The following GYS2 variants were observed in gnomAD, a reference collection of about 807,000 sequenced individuals.
GYS2 encodes the protein glycogen [starch] synthase, liver.
GYS2 carries 80 observed loss-of-function variants against 85.6 expected under a neutral mutation model. That is an observed-to-expected ratio of 0.93 (90% CI 0.78 to 1.13). The LOEUF is 1.13. Ranked by LOEUF, GYS2 falls within the 50% of genes most tolerant of loss-of-function variation. GYS2 has a pLI of 0.00. For missense variants in GYS2, 881 were observed against 854.9 expected (o/e 1.03, Z -0.38); for synonymous variants, 328 against 300.7 (o/e 1.09, Z -0.94).
At chr12:21,586,332 C>A (rs568015853) in intron 1 of GYS2, among the ~76,000 whole-genome samples, 1 of 152,234 alleles carries the variant, frequency 6.6e-6, no homozygotes, top group Admixed American at 6.5e-5. Context: ...GGCTTCCTTG[C>A]TCCTCTGCTT....
intron 11 of GYS2, among the ~76,000 whole-genome samples, chr12:21,552,686 G>A (rs991122984): frequency 2.0e-5 from 3 of 152,160 alleles, no homozygotes; most frequent in Non-Finnish European, 2.9e-5. Context: ...TTTTAACTGT[G>A]TAGACATAAA....
intron 4 of GYS2, 56 bp from the exon 5 acceptor site, chr12:21,569,065 C>G: frequency 6.3e-7 from 1 of 1,580,040 alleles, no homozygotes; most frequent in African/African-American, 1.3e-5. Flanking sequence ...TCTACACAAG[C>G]TAAACAAAAT....
intron 4 of GYS2, among the ~76,000 whole-genome samples, chr12:21,570,319 A>C (rs1944371180): frequency 6.6e-6 from 1 of 152,240 alleles, no homozygotes; most frequent in African/African-American, 2.4e-5. Context: ...TGTATCTATT[A>C]ACTTTAAGAA....
chr12:21,599,922 A>T (rs1944736152), intron 1 of GYS2, among the ~76,000 whole-genome samples: 1 of 152,122 alleles, frequency 6.6e-6, no homozygotes, highest in South Asian at 2.1e-4. Flanking sequence ...TACAACTGGT[A>T]TTTCTTTTAA....
At chr12:21,545,099 A>G (rs978068896) in intron 12 of GYS2, among the ~76,000 whole-genome samples, 5 of 152,218 alleles carry the variant, frequency 3.3e-5, no homozygotes, top group South Asian at 4.1e-4. Context: ...AAAAGGCAAC[A>G]TTTACTATCT....
intron 1 of GYS2, among the ~76,000 whole-genome samples, chr12:21,590,014 G>A (rs1032927849): frequency 1.3e-5 from 2 of 151,994 alleles, no homozygotes; most frequent in Admixed American, 6.5e-5. Flanking sequence ...CATTAGAAGT[G>A]GACTCCCCCA....
At chr12:21,572,348 G>C (rs1450859629) in intron 4 of GYS2, among the ~76,000 whole-genome samples, 3 of 152,042 alleles carry the variant, frequency 2.0e-5, no homozygotes, top group Non-Finnish European at 4.4e-5. Context: ...ATTTTCATTT[G>C]TCTGAGTCAG....
chr12:21,543,729 T>A (rs1490490725), intron 12 of GYS2, among the ~76,000 whole-genome samples: 1 of 152,174 alleles, frequency 6.6e-6, no homozygotes, highest in Non-Finnish European at 1.5e-5. Flanking sequence ...TTTGTCCTAA[T>A]GCTCTCCCTC....
intron 12 of GYS2, among the ~76,000 whole-genome samples, chr12:21,543,887 G>T (rs1944008319): frequency 6.6e-6 from 1 of 152,102 alleles, no homozygotes; most frequent in African/African-American, 2.4e-5. Flanking sequence ...ATGATGAAGA[G>T]AAATATTCTT....
At chr12:21,548,759 C>T (rs1389799356) in intron 11 of GYS2, among the ~76,000 whole-genome samples, 1 of 152,104 alleles carries the variant, frequency 6.6e-6, no homozygotes, top group Non-Finnish European at 1.5e-5. Flanking sequence ...ATATACAGTA[C>T]TCCATATTGT....
chr12:21,570,824 G>A (rs573429792), intron 4 of GYS2, among the ~76,000 whole-genome samples: 2 of 152,298 alleles, frequency 1.3e-5, no homozygotes, highest in South Asian at 4.1e-4. Flanking sequence ...CTCTGAAAGT[G>A]TTTATTTAGA....
chr12:21,585,670 G>A lies in GYS2; in HGVS notation c.122-5147C>T, dbSNP rs1944564665. Reference sequence around the variant, plus strand: ...TCATCAATACCAGCTACGATCACGTGACCAATTGCAGATACAAGGACTGTA... The same window carrying A: ...TCATCAATACCAGCTACGATCACGTAACCAATTGCAGATACAAGGACTGTA... On this transcript the variant is annotated intron_variant, in intron 1 of 15. Coordinates refer to ENST00000261195, the MANE Select transcript of GYS2 (RefSeq NM_021957.4). Among the ~76,000 whole-genome samples, 3 of 152,122 alleles carry A rather than the reference G, an allele frequency of 2.0e-5. No individual in the cohort carries two copies. In the South Asian group the frequency reaches 6.2e-4, roughly 32 times the overall value.
intron 5 of GYS2, among the ~76,000 whole-genome samples, chr12:21,564,870 A>G (rs1019670230): frequency 6.6e-6 from 1 of 152,158 alleles, no homozygotes; most frequent in Non-Finnish European, 1.5e-5. Context: ...ATATTAAGTC[A>G]TTTGCCCAAT....
Position 21,561,346 on chromosome 12 carries a change from G to T in GYS2, c.1063-854C>A, listed in dbSNP as rs1359592621. ...CTTAAAATCATGAACCTCTATGAAG[G>T]TTTATGTGTTCTGGAAATGACTGAC... On this transcript the variant is annotated intron_variant, in intron 7 of 15. Transcript: ENST00000261195. Among the ~76,000 whole-genome samples the T allele has an allele frequency of 2.6e-5, 4 of 152,096 alleles. 1 individual carries two copies. In the East Asian group the frequency reaches 5.8e-4, roughly 22 times the overall value.
intron 1 of GYS2, among the ~76,000 whole-genome samples, chr12:21,585,999 C>T (rs749085739): frequency 1.3e-4 from 20 of 152,198 alleles, no homozygotes; most frequent in African/African-American, 4.3e-4. Flanking sequence ...AGTTGACAAG[C>T]GATGGACTTG....
At chr12:21,571,501 A>C (rs1944384596) in intron 4 of GYS2, among the ~76,000 whole-genome samples, 1 of 152,248 alleles carries the variant, frequency 6.6e-6, no homozygotes, top group African/African-American at 2.4e-5. Context: ...AATAAAACAC[A>C]GTCCAGTGAC....
chr12:21,579,252 A>G lies in GYS2; in HGVS notation c.303+1090T>C, dbSNP rs185674470. ...AAAACAAATTTATTATCTTACAGAT[A>G]TTGAAGTCAGTAGTCCAAAATAGAC... On this transcript the variant is annotated intron_variant, in intron 2 of 15. Coordinates refer to ENST00000261195, the MANE Select transcript of GYS2 (RefSeq NM_021957.4). 3.4e-3 allele frequency among the ~76,000 whole-genome samples: 512 copies of G among 152,246 alleles called. 11 individuals are homozygous for G. The highest frequency in any genetic ancestry group is 0.03 in the Admixed American group (453 of 15,292).
intron 4 of GYS2, among the ~76,000 whole-genome samples, chr12:21,571,749 T>C (rs1321329608): frequency 6.6e-6 from 1 of 151,950 alleles, no homozygotes; most frequent in Admixed American, 6.6e-5. Flanking sequence ...GATGACGAGC[T>C]CAGGAGATCG....
Position 21,563,344 on chromosome 12 carries a change from A to G in GYS2, c.825T>C (p.Asp275=), listed in dbSNP as rs1266840351. The change falls in exon 6 of 16, where the codon GAT becomes GAC. Residue 275 remains aspartate (D), a splice_region_variant and synonymous_variant. Transcript: ENST00000261195. ...CATTCAAGCCGTTTGGAGTAACTAC[A>G]TCTAGAAAGGCAAAACAAAATTATT... ...EAEHMLKRKP[D]VVTPNGLNVK... is the part of the protein sequence containing the mutation. 2 of 1,520,076 alleles carry G rather than the reference A, an allele frequency of 1.3e-6. No individual in the cohort carries two copies. Among genetic ancestry groups the G allele is most frequent in the East Asian group, 4.5e-5 (2 of 44,344 alleles). The allele number at this position is 1,520,076 out of a possible 1,614,324, so 94.2% of individuals were successfully genotyped here.
Sources: gnomAD v4.1 joint callset for allele counts (sites outside exome capture counted in the v4.1 genomes callset) on GRCh38, gnomAD v4.1.1 for gene constraint, MANE v1.5 for transcripts, NCBI Gene and HGNC (gene_info 2026-07-23, HGNC 2026-07-21) for gene names.